CIP2A: variants seen among roughly 807,000 people sequenced by gnomAD.
The protein encoded by CIP2A is cellular inhibitor of PP2A, also known as protein CIP2A.
CIP2A carries 103 observed loss-of-function variants against 110.9 expected under a neutral mutation model. The ratio of observed to expected loss-of-function variants is 0.93; its 90% CI spans 0.79 to 1.09. CIP2A has a LOEUF of 1.09. CIP2A is among the 50% of genes least tolerant of loss of function. The pLI is 0.00. For synonymous variants in CIP2A, 381 were observed against 361.6 expected (o/e 1.05, Z -0.61); for missense variants, 1,088 against 1,038.4 (o/e 1.05, Z -0.66).
At chr3:108,570,090 C>A (rs921156772) in intron 8 of CIP2A, among the ~76,000 whole-genome samples, 5 of 152,010 alleles carry the variant, frequency 3.3e-5, no homozygotes, top group African/African-American at 7.2e-5. Context: ...TGACCCTTAG[C>A]TCTCCTACTG....
intron 3 of CIP2A, 62 bp from the exon 4 acceptor site, chr3:108,582,264 G>T: frequency 1.5e-6 from 1 of 672,784 alleles, no homozygotes; most frequent in East Asian, 2.9e-5. Context: ...TTAAAATAAT[G>T]GACTCTCAGG....
chr3:108,552,332 T>A lies in CIP2A; in HGVS notation c.2449A>T (p.Thr817Ser), dbSNP rs1162757142. 1.3e-6 allele frequency: 2 copies of A among 1,542,892 alleles called. No individual in the cohort carries two copies. Among genetic ancestry groups the A allele is most frequent in the East Asian group, 2.3e-5 (1 of 43,692 alleles). Residue 817 changes from threonine to serine, a missense_variant, in exon 20 of 21, where the codon ACC (threonine) becomes TCC (serine). Thr to Ser is a moderately conservative substitution (Grantham distance 58, BLOSUM62 1). Coordinates refer to ENST00000295746, the MANE Select transcript of CIP2A (RefSeq NM_020890.3). ...KTKVQEEKIK[T>S]LQKEREDKEE... is the part of the protein sequence containing the mutation. ...TTATCTTCCCTTTCCTTTTGTAAGG[T>A]TTTAATCTTTTCTTCTTGTACTTTT...
intron 8 of CIP2A, among the ~76,000 whole-genome samples, chr3:108,570,104 C>T (rs1369325845): frequency 3.3e-5 from 5 of 151,784 alleles, no homozygotes; most frequent in African/African-American, 4.8e-5. Context: ...CCTACTGTAC[C>T]CCATTTTTCC....
At chr3:108,577,880 T>A (rs894308383) in intron 7 of CIP2A, among the ~76,000 whole-genome samples, 4 of 151,904 alleles carry the variant, frequency 2.6e-5, no homozygotes, top group Non-Finnish European at 4.4e-5. Context: ...GCCTGGGCAA[T>A]AGAGCGAGAC....
intron 16 of CIP2A, 23 bp from the exon 17 acceptor site, chr3:108,557,437 A>G (rs1226057249): frequency 1.3e-6 from 2 of 1,532,562 alleles, no homozygotes. Flanking sequence ...AAGAAGATAG[A>G]CTTTACCACT....
chr3:108,578,630 C>G (rs1157130976), intron 7 of CIP2A, among the ~76,000 whole-genome samples: 1 of 152,126 alleles, frequency 6.6e-6, no homozygotes, highest in Admixed American at 6.5e-5. Context: ...CTCTTTGAAA[C>G]AATTTCAATT....
chr3:108,585,707 A>G (rs1473524684), intron 1 of CIP2A: 1 of 456,468 alleles, frequency 2.2e-6, no homozygotes, highest in Non-Finnish European at 4.4e-6. Context: ...GAGGGTAGTT[A>G]TGGGATTATT....
rs1307708869 is a variant in CIP2A at position 108,589,219 on chromosome 3, G to GA, written c.102+54dup. The GA allele has an allele frequency of 7.4e-6, 10 of 1,358,612 alleles. No homozygotes were observed. In the Admixed American group the frequency reaches 1.2e-4, roughly 16 times the overall value. The allele number at this position is 1,358,612 out of a possible 1,614,324, so 84.2% of individuals were successfully genotyped here. ...GGCCGCCACTCCTCGGCCTCACTGT[G>GA]AAATAAGAATTGCTAGGGGAAGCCC... On this transcript the variant is annotated intron_variant, in intron 1 of 20. Transcript: ENST00000295746.
intron 4 of CIP2A, 40 bp from the exon 5 acceptor site, chr3:108,581,551 G>T: frequency 8.1e-7 from 1 of 1,227,734 alleles, no homozygotes; most frequent in Non-Finnish European, 1.2e-6. Flanking sequence ...AGAAAAAATA[G>T]TAAAAGAAAA....
chr3:108,579,685 T>G lies in CIP2A; in HGVS notation c.553A>C (p.Asn185His), dbSNP rs1247832075. Reference sequence around the variant, plus strand: ...AGAGTTCGATAAAAAGATTTCACATTACTCTGAGGAAAAAAAAGTTAAAAA... The same window carrying G: ...AGAGTTCGATAAAAAGATTTCACATGACTCTGAGGAAAAAAAAGTTAAAAA... ...SVQTHIKTLS[N>H]VKSFYRTLIT... Residue 185 changes from asparagine to histidine, a missense_variant, in exon 6 of 21, where the codon AAT becomes CAT. By Grantham distance (68) the Asn-to-His change is moderately conservative. Coordinates refer to ENST00000295746, the MANE Select transcript of CIP2A (RefSeq NM_020890.3). The G allele has an allele frequency of 6.5e-7, 1 of 1,533,112 alleles. No homozygotes were observed. Among genetic ancestry groups the G allele is most frequent in the South Asian group, 1.3e-5 (1 of 75,960 alleles). The allele number at this position is 1,533,112 out of a possible 1,614,324, so 95.0% of individuals were successfully genotyped here. A position where few individuals can be genotyped will look rare whatever the true frequency, so the allele number is the denominator to read the frequency against.
In CIP2A at chr3:108,585,095, AG is replaced by A. The variant is rs762476849; in HGVS notation, c.219del (p.Leu74Ter). The A allele has an allele frequency of 6.2e-7, 1 of 1,612,962 alleles. No individual in the cohort carries two copies. Among genetic ancestry groups the A allele is most frequent in the Non-Finnish European group, 8.5e-7 (1 of 1,179,434 alleles). On this transcript the variant is annotated frameshift_variant, in exon 2 of 21. Coordinates refer to ENST00000295746, the MANE Select transcript of CIP2A (RefSeq NM_020890.3). LOFTEE classifies it high-confidence loss of function. ...LEDPNISASLILSIIGLLSQL... is the reference protein window; with the variant it reads ...LEDPNISASLXLSIIGLLSQL... ...TGAGACAGCAAACCGATAATACTTA[AG>A]ATCAGTGAAGCACTTATGTTGGGGT...
chr3:108,573,294 G>A (rs986352022), intron 8 of CIP2A, among the ~76,000 whole-genome samples: 34 of 151,176 alleles, frequency 2.2e-4, no homozygotes, highest in Admixed American at 2.1e-3. Context: ...AGGTTATACT[G>A]GCCTTATAAT....
chr3:108,568,698 C>A (rs1210309726), intron 9 of CIP2A, among the ~76,000 whole-genome samples: 1 of 151,878 alleles, frequency 6.6e-6, no homozygotes, highest in East Asian at 1.9e-4. Flanking sequence ...TCCCTCAAGA[C>A]CCTCAAAGGG....
At chr3:108,576,639 T>C (rs774743237) in intron 7 of CIP2A, among the ~76,000 whole-genome samples, 6 of 152,178 alleles carry the variant, frequency 3.9e-5, no homozygotes, top group Non-Finnish European at 5.9e-5. Context: ...ATTTTCAGTG[T>C]CTCAATTGCT....
At chr3:108,569,032 T>C (rs1456108271) in intron 9 of CIP2A, among the ~76,000 whole-genome samples, 4 of 151,068 alleles carry the variant, frequency 2.6e-5, no homozygotes, top group African/African-American at 7.3e-5. Context: ...TATGCCTCTA[T>C]TGTCCATTCA....
At chr3:108,587,628 T>G (rs899057764) in intron 1 of CIP2A, among the ~76,000 whole-genome samples, 14 of 152,218 alleles carry the variant, frequency 9.2e-5, no homozygotes, top group Non-Finnish European at 1.9e-4. Context: ...CTGTATGTAT[T>G]TTATCTCTTA....
intron 11 of CIP2A, 31 bp downstream of exon 11, chr3:108,566,466 G>A: frequency 1.3e-6 from 2 of 1,563,608 alleles, no homozygotes; most frequent in Non-Finnish European, 1.7e-6. Context: ...TTACTGCCTT[G>A]CCATTTTGTC....
intron 13 of CIP2A, among the ~76,000 whole-genome samples, chr3:108,561,417 C>T (rs1438336283): frequency 6.6e-6 from 1 of 152,150 alleles, no homozygotes. Flanking sequence ...GGCATGGTGG[C>T]TCACACCTGT....
chr3:108,581,096 TC>T (rs1559702608), intron 5 of CIP2A, among the ~76,000 whole-genome samples: 1 of 152,340 alleles, frequency 6.6e-6, no homozygotes, highest in East Asian at 1.9e-4. Context: ...GTGATGTGCC[TC>T]CCTTCTAAGA....
Sources: gnomAD v4.1 joint callset for allele counts (sites outside exome capture counted in the v4.1 genomes callset) on GRCh38, gnomAD v4.1.1 for gene constraint, MANE v1.5 for transcripts, NCBI Gene and HGNC (gene_info 2026-07-23, HGNC 2026-07-21) for gene names.